Variants in ASTN2 observed in about 807,000 individuals in gnomAD.
ASTN2 encodes astrotactin-2.
ASTN2 carries 54 observed loss-of-function variants against 139.8 expected under a neutral mutation model. The ratio of observed to expected loss-of-function variants is 0.39; its 90% CI spans 0.31 to 0.48. The LOEUF is 0.48. Among genes scored for constraint, ASTN2 ranks in the 20% least tolerant of loss-of-function variants. The pLI, the probability that ASTN2 is intolerant of heterozygous loss-of-function variation, is 0.95. For missense variants in ASTN2, 1,565 were observed against 1,725.1 expected (o/e 0.91, Z 1.64); for synonymous variants, 756 against 719.5 (o/e 1.05, Z -0.81).
chr9:116,752,906 T>C (rs1829435586), intron 13 of ASTN2, among the ~76,000 whole-genome samples: 1 of 152,198 alleles, frequency 6.6e-6, no homozygotes, highest in Admixed American at 6.5e-5. Context: ...AAAGAGTTAA[T>C]TGCTGGTGGG....
intron 19 of ASTN2, among the ~76,000 whole-genome samples, chr9:116,574,055 T>C (rs1853628849): frequency 6.6e-6 from 1 of 152,102 alleles, no homozygotes; most frequent in South Asian, 2.1e-4. Flanking sequence ...GGGAAGTGAA[T>C]TTTAGCTATG....
chr9:116,998,573 A>ATCCATCCATCCATCCATC (rs1554767994), intron 7 of ASTN2, among the ~76,000 whole-genome samples: 1 of 4,144 alleles, frequency 2.4e-4, no homozygotes, highest in African/African-American at 5.6e-4. Context: ...ATCCATCCAT[A>ATCCATCCATCCATCCATC]CATCCATCCA....
intron 2 of ASTN2, among the ~76,000 whole-genome samples, chr9:117,248,539 T>G (rs950087246): frequency 6.6e-6 from 1 of 151,966 alleles, no homozygotes; most frequent in African/African-American, 2.4e-5. Context: ...GGCCATGGAG[T>G]TAGGTCAATC....
intron 3 of ASTN2, among the ~76,000 whole-genome samples, chr9:117,183,599 A>G (rs1326305307): frequency 1.3e-5 from 2 of 152,210 alleles, no homozygotes; most frequent in African/African-American, 4.8e-5. Flanking sequence ...AGTAAGTATC[A>G]GTAAATTTCA....
At chr9:116,649,390 T>C (rs1182041167) in intron 17 of ASTN2, among the ~76,000 whole-genome samples, 1 of 151,802 alleles carries the variant, frequency 6.6e-6, no homozygotes, top group Non-Finnish European at 1.5e-5. Flanking sequence ...CTGACCAACA[T>C]GGTGAAACCC....
chr9:116,821,451 C>T (rs10759862), intron 11 of ASTN2, among the ~76,000 whole-genome samples: 119,036 of 152,054 alleles, frequency 0.78, 46,810 homozygotes, highest in East Asian at 0.91. Flanking sequence ...TTAGTCTCTT[C>T]TTCTCCACCA....
chr9:117,008,111 C>T lies in ASTN2; in HGVS notation c.1572G>A (p.Gln524=). 1 of 1,597,672 alleles carries T rather than the reference C, an allele frequency of 6.3e-7. No individual in the cohort carries two copies. Among genetic ancestry groups the T allele is most frequent in the Admixed American group, 1.7e-5 (1 of 57,830 alleles). The part of the protein sequence containing the change: ...CGQRTTDACE[Q]LCDPETGECS... ...GCTCACCGGTTTCTGGGTCGCAGAG[C>T]TGCTCACAGGCATCTGTCGTCCTTT... The change falls in exon 7 of 23, where the codon CAG becomes CAA. Residue 524 remains glutamine, a synonymous_variant. Coordinates refer to ENST00000313400, the MANE Select transcript of ASTN2 (RefSeq NM_001365068.1).
intron 13 of ASTN2, among the ~76,000 whole-genome samples, chr9:116,792,217 A>G (rs1418322854): frequency 6.6e-6 from 1 of 152,166 alleles, no homozygotes; most frequent in African/African-American, 2.4e-5. Flanking sequence ...TCTTAATTTT[A>G]CTACTTACTT....
chr9:117,406,893 CACACACAA>C (rs1367576787), intron 1 of ASTN2, among the ~76,000 whole-genome samples: 4 of 128,100 alleles, frequency 3.1e-5, no homozygotes, highest in African/African-American at 6.1e-5. Context: ...CACACACACA[CACACACAA>C]CACAGAGGGA....
intron 11 of ASTN2, among the ~76,000 whole-genome samples, chr9:116,863,194 G>A (rs771589509): frequency 2.6e-5 from 4 of 152,024 alleles, no homozygotes; most frequent in Admixed American, 6.5e-5. Flanking sequence ...TTTCTCTTCC[G>A]GACCACACCA....
intron 15 of ASTN2, among the ~76,000 whole-genome samples, chr9:116,727,265 G>C (rs941428114): frequency 1.3e-5 from 2 of 151,964 alleles, no homozygotes; most frequent in Non-Finnish European, 2.9e-5. Context: ...ACCCCAACTG[G>C]GTACATGGCC....
intron 2 of ASTN2, among the ~76,000 whole-genome samples, chr9:117,218,213 T>G (rs930412239): frequency 6.6e-6 from 1 of 152,210 alleles, no homozygotes; most frequent in Non-Finnish European, 1.5e-5. Context: ...GGCACTGAGC[T>G]TGAGGTTCCC....
At chr9:117,084,530 C>T (rs1231423690) in intron 5 of ASTN2, among the ~76,000 whole-genome samples, 2 of 152,234 alleles carry the variant, frequency 1.3e-5, no homozygotes, top group Non-Finnish European at 2.9e-5. Context: ...CTTGAAGAAG[C>T]TACTCTGTTT....
intron 3 of ASTN2, among the ~76,000 whole-genome samples, chr9:117,147,789 C>T (rs1052763947): frequency 7.2e-5 from 11 of 152,108 alleles, no homozygotes; most frequent in African/African-American, 2.4e-4. Context: ...AGCTTAGGGA[C>T]GATAGAACTG....
At position 116,774,249 on chromosome 9, in the gene ASTN2, G is replaced by A. The variant is rs139091617; in HGVS notation, c.2396+31383C>T. Among the ~76,000 whole-genome samples, 50 of 152,248 alleles carry A rather than the reference G, an allele frequency of 3.3e-4. No homozygotes were observed. The East Asian group carries it at 8.5e-3, about 26-fold the overall frequency. On this transcript the variant is annotated intron_variant, in intron 13 of 22. Coordinates refer to ENST00000313400, the MANE Select transcript of ASTN2 (RefSeq NM_001365068.1). ...TTTCTCATTTGTACATGAGGACTCT[G>A]GAGATCAGGGTCAAGAAGGGCTTGC...
intron 10 of ASTN2, among the ~76,000 whole-genome samples, chr9:116,898,732 C>T (rs981937682): frequency 6.6e-5 from 10 of 152,112 alleles, no homozygotes; most frequent in African/African-American, 2.4e-4. Flanking sequence ...TGCAGTGGCA[C>T]GTTCACATCT....
intron 3 of ASTN2, among the ~76,000 whole-genome samples, chr9:117,179,353 G>A (rs1830998778): frequency 6.6e-6 from 1 of 152,074 alleles, no homozygotes; most frequent in South Asian, 2.1e-4. Flanking sequence ...GTGTGTGTGT[G>A]TATGTATATA....
chr9:116,555,268 C>T (rs374440365), intron 19 of ASTN2, among the ~76,000 whole-genome samples: 5 of 152,128 alleles, frequency 3.3e-5, no homozygotes, highest in East Asian at 1.9e-4. Flanking sequence ...TCTTCGAGCT[C>T]CCCCAGTCTG....
chr9:117,037,438 A>G (rs958821921), intron 6 of ASTN2, among the ~76,000 whole-genome samples: 2 of 152,194 alleles, frequency 1.3e-5, no homozygotes, highest in African/African-American at 4.8e-5. Context: ...GAATACTCCT[A>G]TGAGGTAGGT....
Sources: allele counts gnomAD v4.1 joint callset (sites outside exome capture counted in the v4.1 genomes callset), GRCh38; gene constraint gnomAD v4.1.1; transcripts MANE v1.5; gene names NCBI Gene and HGNC (gene_info 2026-07-23, HGNC 2026-07-21).